Variants in HECW1 observed in about 807,000 individuals in gnomAD.
The protein encoded by HECW1 is HECT, C2 and WW domain containing E3 ubiquitin protein ligase 1.
In HECW1, 61 loss-of-function variants were observed where a neutral mutation model predicts 182.3. The observed-to-expected ratio is 0.33, with a 90% CI of 0.27 to 0.41. The LOEUF is 0.41. Among genes scored for constraint, HECW1 ranks in the 10% least tolerant of loss-of-function variants. HECW1 has a pLI of 1.00. For synonymous variants in HECW1, 859 were observed against 832.6 expected (o/e 1.03, Z -0.55); for missense variants, 1,739 against 2,108.9 (o/e 0.82, Z 3.44).
intron 3 of HECW1, among the ~76,000 whole-genome samples, chr7:43,254,069 A>G (rs2240273): frequency 0.47 from 71,896 of 152,082 alleles, 18,938 homozygotes; most frequent in African/African-American, 0.71. Flanking sequence ...GCTGACTGCT[A>G]GTCTTTCTAT....
intron 7 of HECW1, among the ~76,000 whole-genome samples, chr7:43,405,603 G>A (rs770773280): frequency 6.6e-6 from 1 of 152,048 alleles, no homozygotes; most frequent in Non-Finnish European, 1.5e-5. Flanking sequence ...GGGGACAGTG[G>A]GGGTGGTGCT....
intron 2 of HECW1, among the ~76,000 whole-genome samples, chr7:43,137,542 T>TTATTTATA: frequency 6.6e-6 from 1 of 150,578 alleles, no homozygotes; most frequent in East Asian, 1.9e-4. Flanking sequence ...ATTTATTTAT[T>TTATTTATA]TATTTATTTA....
At chr7:43,181,287 A>G (rs905099528) in intron 2 of HECW1, among the ~76,000 whole-genome samples, 9 of 150,960 alleles carry the variant, frequency 6.0e-5, no homozygotes, top group African/African-American at 2.0e-4. Context: ...GCTGTTGTGA[A>G]TACTGCTGCA....
At chr7:43,367,598 G>A (rs2152817255) in intron 6 of HECW1, among the ~76,000 whole-genome samples, 1 of 152,324 alleles carries the variant, frequency 6.6e-6, no homozygotes, top group East Asian at 1.9e-4. Flanking sequence ...AATCTTGAGT[G>A]CTTGAGCTAG....
chr7:43,232,259 G>A (rs571507881), intron 2 of HECW1, among the ~76,000 whole-genome samples: 121 of 152,228 alleles, frequency 7.9e-4, no homozygotes, highest in African/African-American at 2.7e-3. Flanking sequence ...GCCAGAACCC[G>A]TCCTCCACTG....
At chr7:43,297,361 T>A (rs546980191) in intron 3 of HECW1, among the ~76,000 whole-genome samples, 2 of 152,352 alleles carry the variant, frequency 1.3e-5, no homozygotes, top group Admixed American at 1.3e-4. Flanking sequence ...AGGTAGAAAT[T>A]TATTAATTAT....
At chr7:43,290,282 A>C (rs944028327) in intron 3 of HECW1, among the ~76,000 whole-genome samples, 1 of 152,220 alleles carries the variant, frequency 6.6e-6, no homozygotes, top group Non-Finnish European at 1.5e-5. Flanking sequence ...GCTATCTGTC[A>C]TGTGATGTTA....
intron 5 of HECW1, among the ~76,000 whole-genome samples, chr7:43,326,278 T>C (rs1810769042): frequency 2.0e-5 from 3 of 152,224 alleles, no homozygotes; most frequent in Admixed American, 1.3e-4. Flanking sequence ...ACTGACAGTT[T>C]GTAATGACTC....
At chr7:43,405,194 A>G (rs1316970807) in intron 7 of HECW1, among the ~76,000 whole-genome samples, 1 of 152,178 alleles carries the variant, frequency 6.6e-6, no homozygotes, top group African/African-American at 2.4e-5. Context: ...TTAGTAGATA[A>G]CAAATAAATA....
At chr7:43,476,544 A>G (rs2078225499) in intron 16 of HECW1, among the ~76,000 whole-genome samples, 1 of 152,174 alleles carries the variant, frequency 6.6e-6, no homozygotes, top group Non-Finnish European at 1.5e-5. Flanking sequence ...ACAGACAAGA[A>G]TATGTAAGAA....
chr7:43,323,809 C>T (rs1810435420), intron 5 of HECW1, among the ~76,000 whole-genome samples: 2 of 152,110 alleles, frequency 1.3e-5, no homozygotes, highest in Non-Finnish European at 2.9e-5. Context: ...AGGGGGATCA[C>T]CCGAGGTTAG....
chr7:43,213,887 G>T (rs1422388795), intron 2 of HECW1, among the ~76,000 whole-genome samples: 1 of 152,048 alleles, frequency 6.6e-6, no homozygotes, highest in Non-Finnish European at 1.5e-5. Context: ...ATGGGAATAT[G>T]ATTGCAATGA....
intron 2 of HECW1, among the ~76,000 whole-genome samples, chr7:43,157,802 GCAC>G (rs1790053580): frequency 2.0e-5 from 3 of 152,150 alleles, no homozygotes; most frequent in Non-Finnish European, 2.9e-5. Flanking sequence ...CTCAAGCGGT[GCAC>G]CTGTCTTGGC....
intron 3 of HECW1, among the ~76,000 whole-genome samples, chr7:43,310,227 G>A (rs1014855511): frequency 5.9e-5 from 9 of 152,140 alleles, no homozygotes; most frequent in Admixed American, 4.6e-4. Flanking sequence ...CTCCTGGAGG[G>A]CTGTCAGTTT....
intron 29 of HECW1, among the ~76,000 whole-genome samples, chr7:43,558,633 C>T (rs888267704): frequency 6.6e-6 from 1 of 152,058 alleles, no homozygotes; most frequent in African/African-American, 2.4e-5. Context: ...GCTCCCACAA[C>T]AAAGAGTTAT....
intron 3 of HECW1, among the ~76,000 whole-genome samples, chr7:43,309,578 C>T (rs966095917): frequency 6.6e-6 from 1 of 152,126 alleles, no homozygotes; most frequent in Non-Finnish European, 1.5e-5. Flanking sequence ...ATTGAAACCA[C>T]GTACATAAAA....
intron 3 of HECW1, among the ~76,000 whole-genome samples, chr7:43,307,876 C>CTATATATATATATACATA (rs1159882535): frequency 3.9e-5 from 5 of 127,604 alleles, no homozygotes; most frequent in African/African-American, 6.0e-5. Context: ...AATCATTTCA[C>CTATATATATATATACATA]TATATATATA....
At chr7:43,393,875 G>A (rs747562881) in intron 6 of HECW1, among the ~76,000 whole-genome samples, 9 of 151,974 alleles carry the variant, frequency 5.9e-5, no homozygotes, top group African/African-American at 1.7e-4. Flanking sequence ...CATGAAATAC[G>A]CCATTTAATC....
chr7:43,164,036 G>A (rs1790830050), intron 2 of HECW1, among the ~76,000 whole-genome samples: 1 of 152,190 alleles, frequency 6.6e-6, no homozygotes, highest in African/African-American at 2.4e-5. Flanking sequence ...ACAGGGAGAA[G>A]AGCCAGGGCA....
Sources: gnomAD v4.1 joint callset for allele counts (sites outside exome capture counted in the v4.1 genomes callset) on GRCh38, gnomAD v4.1.1 for gene constraint, MANE v1.5 for transcripts, NCBI Gene and HGNC (gene_info 2026-07-23, HGNC 2026-07-21) for gene names.